Variants in NINJ2 observed in about 807,000 individuals in gnomAD.
The protein encoded by NINJ2 is ninjurin 2.
In NINJ2, 12 loss-of-function variants were observed where a neutral mutation model predicts 11.7. The observed-to-expected ratio is 1.02, with a 90% CI of 0.66 to 1.66. The LOEUF (loss-of-function observed/expected upper bound fraction) is 1.66. NINJ2 is among the 40% of genes most tolerant of loss of function. The pLI is 0.00. For missense variants in NINJ2, 187 were observed against 181.8 expected (o/e 1.03, Z -0.16); for synonymous variants, 93 against 76.8 (o/e 1.21, Z -1.10).
chr12:600,928 T>C (rs1947858703), intron 1 of NINJ2, among the ~76,000 whole-genome samples: 2 of 152,270 alleles, frequency 1.3e-5, no homozygotes, highest in South Asian at 4.1e-4. Context: ...AATCTTGAGT[T>C]TTCAAAGGGT....
chr12:565,175 C>G, intron 3 of NINJ2, 42 bp downstream of exon 3: 2 of 1,524,512 alleles, frequency 1.3e-6, no homozygotes, highest in Non-Finnish European at 1.8e-6. Flanking sequence ...GAAGGGCCAC[C>G]TGGGGAGTCC....
rs11063710 is a variant in NINJ2 at position 581,654 on chromosome 12, A to T, written c.34-15476T>A. Among the ~76,000 whole-genome samples the T allele has an allele frequency of 6.6e-6, 1 of 151,924 alleles. No individual in the cohort carries two copies. The highest frequency in any genetic ancestry group is 2.4e-5 in the African/African-American group (1 of 41,336). ...GGGGCCAGGGTCTGCTCTGGGGAGAAGGTAAGCAGGGGAGGGCCGGCAAGT... is the reference window on the plus strand; with the variant it reads ...GGGGCCAGGGTCTGCTCTGGGGAGATGGTAAGCAGGGGAGGGCCGGCAAGT... On this transcript the variant is annotated intron_variant, in intron 1 of 3. Coordinates refer to ENST00000305108, the MANE Select transcript of NINJ2 (RefSeq NM_016533.6). This position sits in a 1 kb window ranked among gnomAD's most constrained non-coding sequence, Gnocchi z 4.9.
At chr12:596,003 C>T (rs1274505380) in intron 1 of NINJ2, among the ~76,000 whole-genome samples, 1 of 152,182 alleles carries the variant, frequency 6.6e-6, no homozygotes, top group Non-Finnish European at 1.5e-5. Context: ...ATCCAGAACA[C>T]TGACAATACC....
intron 1 of NINJ2, among the ~76,000 whole-genome samples, chr12:641,494 G>C (rs1948415816): frequency 6.6e-6 from 1 of 152,156 alleles, no homozygotes; most frequent in Non-Finnish European, 1.5e-5. Flanking sequence ...GCTTCTCCTG[G>C]AAGTCAGGAA....
At chr12:646,573 C>T (rs539663656) in intron 1 of NINJ2, among the ~76,000 whole-genome samples, 3 of 152,226 alleles carry the variant, frequency 2.0e-5, no homozygotes, top group South Asian at 4.2e-4. Flanking sequence ...AGGAAGGGTG[C>T]GGCATTAAAG....
chr12:591,084 T>TTATA lies in NINJ2; in HGVS notation c.34-24910_34-24907dup, dbSNP rs1000175100. On this transcript the variant is annotated intron_variant, in intron 1 of 3. Transcript: ENST00000305108. The surrounding 1 kb of genome is among the most constrained non-coding windows in gnomAD (Gnocchi z 5.0). ...AGGACACTAGCACTCACTATCAAGG[T>TTATA]TATAGGGAGGTGGCAGAGAAAAGAA... 2 of 152,052 alleles carry TTATA rather than the reference T, an allele frequency of 1.3e-5. No homozygotes were observed. Among genetic ancestry groups the TTATA allele is most frequent in the Non-Finnish European group, 2.9e-5 (2 of 68,008 alleles). The allele number at this position is 152,052 out of a possible 1,614,324, so 9.4% of individuals were successfully genotyped here.
intron 1 of NINJ2, among the ~76,000 whole-genome samples, chr12:649,010 C>CTATCTATA (rs1937741867): frequency 6.6e-6 from 1 of 151,806 alleles, no homozygotes; most frequent in Admixed American, 6.6e-5. Context: ...ATCTATCTAT[C>CTATCTATA]TATCTATCTA....
At chr12:575,276 C>T (rs927940217) in intron 1 of NINJ2, among the ~76,000 whole-genome samples, 4 of 152,188 alleles carry the variant, frequency 2.6e-5, no homozygotes, top group African/African-American at 9.7e-5. Flanking sequence ...TCCTGGGGCC[C>T]CCACCCACCT....
At chr12:638,472 G>T (rs1402913554) in intron 1 of NINJ2, among the ~76,000 whole-genome samples, 1 of 152,206 alleles carries the variant, frequency 6.6e-6, no homozygotes, top group Non-Finnish European at 1.5e-5. Flanking sequence ...CTGGAGTGCA[G>T]TGGCGCAATC....
In NINJ2 at chr12:653,350, A is replaced by C. The variant is rs183780014; in HGVS notation, c.33+9978T>G. On this transcript the variant is annotated intron_variant, in intron 1 of 3. Transcript: ENST00000305108. The stretch of plus-strand genomic sequence containing the variant: ...TAATTGATCTAACAGTTTGTTCAAA[A>C]TGAACAAATCAAAATATCAACAATA... 3.6e-3 allele frequency among the ~76,000 whole-genome samples: 550 copies of C among 152,298 alleles called. 5 individuals carry two copies. The highest frequency in any genetic ancestry group is 0.012 in the African/African-American group (513 of 41,570).
At chr12:568,880 C>A (rs1947338917) in intron 1 of NINJ2, among the ~76,000 whole-genome samples, 1 of 34,750 alleles carries the variant, frequency 2.9e-5, no homozygotes, top group African/African-American at 8.1e-5. Context: ...GAGGACACCC[C>A]CCCCCCCCCG....
intron 1 of NINJ2, among the ~76,000 whole-genome samples, chr12:650,422 A>C (rs1413236865): frequency 6.6e-6 from 1 of 152,196 alleles, no homozygotes; most frequent in Non-Finnish European, 1.5e-5. Flanking sequence ...TCTCTTGGCC[A>C]GGCGCGGTGG....
chr12:583,652 C>G (rs1333432366), intron 1 of NINJ2, among the ~76,000 whole-genome samples: 1 of 152,230 alleles, frequency 6.6e-6, no homozygotes, highest in Non-Finnish European at 1.5e-5. Flanking sequence ...GGTCTCCAAC[C>G]CTGAGCCCAA....
At chr12:610,266 C>T (rs925090825) in intron 1 of NINJ2, 1 of 1,212,872 alleles carries the variant, frequency 8.2e-7, no homozygotes, top group Non-Finnish European at 1.2e-6. Flanking sequence ...CCTCTGGCAG[C>T]CCTCTTCACC....
rs569217112 is a variant in NINJ2, at chr12:569,862, G to A, written c.34-3684C>T. Among the ~76,000 whole-genome samples the A allele has an allele frequency of 1.3e-3, 203 of 152,346 alleles. 1 individual carries two copies. Among genetic ancestry groups the A allele is most frequent in the Non-Finnish European group, 2.6e-3 (174 of 68,026 alleles). ...CTCGCTAAATGCGGGGCCGACTCGG[G>A]CCTGCCTTTCACTGCGGGTGCTGGG... On this transcript the variant is annotated intron_variant, in intron 1 of 3. Coordinates refer to ENST00000305108, the MANE Select transcript of NINJ2 (RefSeq NM_016533.6).
Position 566,072 on chromosome 12 carries a change from G to A in NINJ2, c.140C>T (p.Ala47Val). The change falls in exon 2 of 4, where the codon GCC (alanine) becomes GTC (valine). Residue 47 changes from alanine (A) to valine (V), a missense_variant. By Grantham distance (64) the Ala-to-Val change is moderately conservative (BLOSUM62 0). Transcript: ENST00000305108. ...CTCCAGCACCGCCTTCAGCCGCATG[G>A]CGTTGGACATGAACAGGGCCACGTC... ...MLDVALFMSN[A>V]MRLKAVLEQG... The A allele has an allele frequency of 6.2e-7, 1 of 1,614,156 alleles. No homozygotes were observed. The highest frequency in any genetic ancestry group is 8.5e-7 in the Non-Finnish European group (1 of 1,180,024).
Position 591,987 on chromosome 12 carries a change from C to A in NINJ2, c.34-25809G>T, listed in dbSNP as rs111950068. Among the ~76,000 whole-genome samples, 1 of 151,964 alleles carries A rather than the reference C, an allele frequency of 6.6e-6. No homozygotes were observed. The highest frequency in any genetic ancestry group is 2.4e-5 in the African/African-American group (1 of 41,344). On this transcript the variant is annotated intron_variant, in intron 1 of 3. Coordinates refer to ENST00000305108, the MANE Select transcript of NINJ2 (RefSeq NM_016533.6). This position sits in a 1 kb window ranked among gnomAD's most constrained non-coding sequence, Gnocchi z 5.0. ...CTCATCCTTCCAACTGCTCCTTTAG[C>A]CTGAAGGCCTGGAGCCCCAGCCGCC...
At position 649,380 on chromosome 12, in the gene NINJ2, A is replaced by G. The variant is rs989596032; in HGVS notation, c.33+13948T>C. On this transcript the variant is annotated intron_variant, in intron 1 of 3. Coordinates refer to ENST00000305108, the MANE Select transcript of NINJ2 (RefSeq NM_016533.6). The stretch of plus-strand genomic sequence containing the variant: ...ACATTTCTAGTCTTGGAGCATATTC[A>G]GATACAAAAAATAAGAGTTGTCCTA... 6.4e-4 allele frequency among the ~76,000 whole-genome samples: 98 copies of G among 152,062 alleles called. 1 individual carries two copies. The highest frequency in any genetic ancestry group is 6.2e-3 in the Admixed American group (95 of 15,230).
intron 1 of NINJ2, among the ~76,000 whole-genome samples, chr12:600,319 C>T (rs1036304660): frequency 6.6e-6 from 1 of 152,022 alleles, no homozygotes; most frequent in African/African-American, 2.4e-5. Context: ...TTTGGGAGGC[C>T]GAGGTGGCAG....
Sources: allele counts gnomAD v4.1 joint callset (sites outside exome capture counted in the v4.1 genomes callset), GRCh38; gene constraint gnomAD v4.1.1; non-coding constraint Gnocchi (gnomAD v3.1); transcripts MANE v1.5; gene names NCBI Gene and HGNC (gene_info 2026-07-23, HGNC 2026-07-21).